KRT80: variants seen among roughly 807,000 people sequenced by gnomAD.
KRT80 encodes the protein keratin 80, also known as keratin, type II cytoskeletal 80.
KRT80 carries 36 observed loss-of-function variants against 51.5 expected under a neutral mutation model. The ratio of observed to expected loss-of-function variants is 0.70; its 90% CI spans 0.54 to 0.92. The LOEUF is 0.92. Among genes scored for constraint, KRT80 ranks in the 40% least tolerant of loss-of-function variants. The probability of loss-of-function intolerance (pLI) is 0.00; values close to 1 mark genes in which losing one functional copy is unlikely to be tolerated. For missense variants in KRT80, 566 were observed against 591.7 expected (o/e 0.96, Z 0.45); for synonymous variants, 235 against 248.3 (o/e 0.95, Z 0.50).
At chr12:52,191,504 G>T in intron 1 of KRT80, 99 bp downstream of exon 1, 2 of 1,212,050 alleles carry the variant, frequency 1.7e-6, no homozygotes, top group Non-Finnish European at 2.3e-6. Flanking sequence ...CTGGGTGCAG[G>T]GGTGGGGCGC....
chr12:52,179,276 A>G (rs1209037556), intron 4 of KRT80, among the ~76,000 whole-genome samples: 1 of 152,220 alleles, frequency 6.6e-6, no homozygotes, highest in East Asian at 1.9e-4. Flanking sequence ...CCTGGGCTGC[A>G]CCAGCCCACA....
At position 52,185,578 on chromosome 12, in the gene KRT80, G is replaced by A; in HGVS notation, c.310C>T (p.Leu104=). ...FASLIGKVQA[L]EQRNQLLETR... is the part of the protein sequence containing the mutation. ...TCCAGCAGCTGGTTGCGCTGTTCCAGGGCTTGCACCTGGGAGAGCAGGAAG... is the reference window on the plus strand; with the variant it reads ...TCCAGCAGCTGGTTGCGCTGTTCCAAGGCTTGCACCTGGGAGAGCAGGAAG... Residue 104 remains leucine, a synonymous_variant, in exon 2 of 9, where the codon CTG becomes TTG. Coordinates refer to ENST00000394815, the MANE Select transcript of KRT80 (RefSeq NM_182507.3). 3 of 1,608,516 alleles carry A rather than the reference G, an allele frequency of 1.9e-6. No individual in the cohort carries two copies. Among genetic ancestry groups the A allele is most frequent in the South Asian group, 2.2e-5 (2 of 91,052 alleles).
intron 2 of KRT80, among the ~76,000 whole-genome samples, chr12:52,183,855 G>A (rs1941361884): frequency 6.6e-6 from 1 of 152,090 alleles, no homozygotes; most frequent in South Asian, 2.1e-4. Flanking sequence ...TTCCTTCCCT[G>A]TAAAAGGAGG....
At chr12:52,184,433 T>C (rs1941370940) in intron 2 of KRT80, among the ~76,000 whole-genome samples, 1 of 152,216 alleles carries the variant, frequency 6.6e-6, no homozygotes, top group Non-Finnish European at 1.5e-5. Flanking sequence ...CCTTTTAGAC[T>C]GGCCAATTCA....
Position 52,180,494 on chromosome 12 carries a change from C to T in KRT80, c.666+19G>A, listed in dbSNP as rs759264484. On this transcript the variant is annotated intron_variant, in intron 4 of 8. Transcript: ENST00000394815. Reference sequence around the variant, plus strand: ...AGCCAGCTCTGGGCTTGGCAAGACACTGGCCCCATCTCACTCACCTGCTCA... The same window carrying T: ...AGCCAGCTCTGGGCTTGGCAAGACATTGGCCCCATCTCACTCACCTGCTCA... 12 of 1,415,508 alleles carry T rather than the reference C, an allele frequency of 8.5e-6. No homozygotes were observed. Among genetic ancestry groups the T allele is most frequent in the South Asian group, 1.9e-5 (1 of 51,744 alleles). 87.7% of individuals were successfully genotyped at this position (1,415,508 alleles called of 1,614,324 possible).
Position 52,173,771 on chromosome 12 carries a change from G to A in KRT80, c.667-7C>T, listed in dbSNP as rs201033194. 1.1e-4 allele frequency: 175 copies of A among 1,608,188 alleles called. 1 individual carries two copies. The highest frequency in any genetic ancestry group is 1.2e-4 in the Non-Finnish European group (136 of 1,179,750). ...CTGCCAGGTCCTTCAGCTCCTGACC[G>A]GGCACAGATGTGGGGGCTCAGGGCT... On this transcript the variant is annotated splice_region_variant and splice_polypyrimidine_tract_variant and intron_variant, in intron 4 of 8. Transcript: ENST00000394815.
At chr12:52,189,162 C>G (rs959542309) in intron 1 of KRT80, among the ~76,000 whole-genome samples, 5 of 152,056 alleles carry the variant, frequency 3.3e-5, no homozygotes, top group Non-Finnish European at 7.4e-5. Context: ...CCTCTCTTTA[C>G]CCAGAGCCCC....
Position 52,185,393 on chromosome 12 carries a change from C to G in KRT80, c.495G>C (p.Glu165Asp). ...GCTCTACGTACCTGATTCGAAACTC[C>G]TCAACCTTCTCCAGCACCTGCAGCA... is the stretch of plus-strand genomic sequence containing the variant. ...ANLLQVLEKV[E>D]EFRIRYEDEI... Residue 165 changes from glutamate (E) to aspartate (D), a missense_variant, in exon 2 of 9, where the codon GAG (glutamate) becomes GAC (aspartate). Transcript: ENST00000394815. 6.2e-7 allele frequency: 1 copy of G among 1,613,308 alleles called. No homozygotes were observed. Among genetic ancestry groups the G allele is most frequent in the Non-Finnish European group, 8.5e-7 (1 of 1,179,538 alleles).
chr12:52,173,396 C>T (rs1404005142), intron 5 of KRT80, among the ~76,000 whole-genome samples: 5 of 152,152 alleles, frequency 3.3e-5, no homozygotes, highest in Admixed American at 2.6e-4. Context: ...TTGCTGATAA[C>T]AGCACCACCT....
chr12:52,186,591 G>A (rs191832789), intron 1 of KRT80, among the ~76,000 whole-genome samples: 1 of 152,202 alleles, frequency 6.6e-6, no homozygotes, highest in East Asian at 1.9e-4. Flanking sequence ...GCAGAGCCAG[G>A]CCTGGAATCC....
Position 52,172,362 on chromosome 12 carries a change from G to A in KRT80, c.1014C>T (p.Phe338=). 1 of 1,614,116 alleles carries A rather than the reference G, an allele frequency of 6.2e-7. No individual in the cohort carries two copies. The highest frequency in any genetic ancestry group is 2.2e-5 in the East Asian group (1 of 44,884). The change falls in exon 7 of 9, where the codon TTC becomes TTT. Residue 338 remains phenylalanine, a synonymous_variant. Coordinates refer to ENST00000394815, the MANE Select transcript of KRT80 (RefSeq NM_182507.3). ...GGGCCAGCTTGGTCTTGGCATCCTG[G>A]AAGGCCAGCTCACCCTGCTCCTCAG... The part of the protein sequence containing the change: ...KTAEEQGELA[F]QDAKTKLAQL...
intron 4 of KRT80, among the ~76,000 whole-genome samples, chr12:52,179,538 C>T (rs1260497129): frequency 6.6e-6 from 1 of 152,230 alleles, no homozygotes; most frequent in Non-Finnish European, 1.5e-5. Flanking sequence ...CCCCAGCTGG[C>T]AGCTGGGACT....
chr12:52,173,517 C>A, intron 5 of KRT80, 83 bp downstream of exon 5: 8 of 1,420,302 alleles, frequency 5.6e-6, no homozygotes, highest in Non-Finnish European at 7.7e-6. Context: ...CTGCAGGCAA[C>A]CTCAGCCATC....
intron 1 of KRT80, chr12:52,185,884 G>T: frequency 2.2e-6 from 1 of 463,920 alleles, no homozygotes; most frequent in South Asian, 2.1e-5. Flanking sequence ...TGCCAAGCAT[G>T]CGACAGGCTC....
At chr12:52,174,647 C>T (rs1181356510) in intron 4 of KRT80, among the ~76,000 whole-genome samples, 1 of 152,260 alleles carries the variant, frequency 6.6e-6, no homozygotes, top group African/African-American at 2.4e-5. Flanking sequence ...GAAACTGAGG[C>T]ATAAAGATGT....
intron 1 of KRT80, among the ~76,000 whole-genome samples, chr12:52,188,147 C>T (rs1941433051): frequency 2.0e-5 from 3 of 152,102 alleles, no homozygotes; most frequent in Non-Finnish European, 1.5e-5. Context: ...CCTCTCAGAA[C>T]AAGGACCTGG....
intron 4 of KRT80, among the ~76,000 whole-genome samples, chr12:52,179,589 G>T (rs1036829577): frequency 1.3e-5 from 2 of 152,248 alleles, no homozygotes; most frequent in African/African-American, 4.8e-5. Flanking sequence ...CATGAGGCCC[G>T]GTCTTCCTTT....
chr12:52,170,531 C>A lies in KRT80; in HGVS notation c.*867G>T, dbSNP rs1306368669. 6.6e-6 allele frequency: 1 copy of A among 152,224 alleles called. No individual in the cohort carries two copies. Among genetic ancestry groups the A allele is most frequent in the African/African-American group, 2.4e-5 (1 of 41,440 alleles). 9.4% of individuals were successfully genotyped at this position (152,224 alleles called of 1,614,324 possible). ...AGGCTGGGAACAACCCGGCTGGGGGCACAGAGCTCAGATCCAGGCTGGGTA... is the reference window on the plus strand; with the variant it reads ...AGGCTGGGAACAACCCGGCTGGGGGAACAGAGCTCAGATCCAGGCTGGGTA... On this transcript the variant is annotated 3_prime_UTR_variant, in exon 9 of 9. Transcript: ENST00000394815.
chr12:52,173,017 G>A (rs764967869), intron 6 of KRT80, 21 bp downstream of exon 6: 2 of 1,592,718 alleles, frequency 1.3e-6, no homozygotes, highest in East Asian at 2.3e-5. Flanking sequence ...CCGCCCCCAG[G>A]CGCGTCCCCC....
Sources: gnomAD v4.1 joint callset for allele counts (sites outside exome capture counted in the v4.1 genomes callset) on GRCh38, gnomAD v4.1.1 for gene constraint, MANE v1.5 for transcripts, NCBI Gene and HGNC (gene_info 2026-07-23, HGNC 2026-07-21) for gene names.